The following GSTA5 variants were observed in gnomAD, a reference collection of about 807,000 sequenced individuals.
The protein encoded by GSTA5 is glutathione S-transferase alpha 5, also known as glutathione S-transferase A5.
GSTA5 carries 25 observed loss-of-function variants against 21.8 expected under a neutral mutation model. The observed-to-expected ratio is 1.14, with a 90% CI of 0.83 to 1.60. GSTA5 has a LOEUF of 1.60. GSTA5 is among the 40% of genes most tolerant of loss of function. The probability of loss-of-function intolerance (pLI) is 0.00; values close to 1 mark genes in which losing one functional copy is unlikely to be tolerated. For synonymous variants in GSTA5, 102 were observed against 89.5 expected, an observed-to-expected ratio of 1.14 and a Z score of -0.78; for missense variants, 330 against 259.2, an observed-to-expected ratio of 1.27 and a Z score of -1.88.
At chr6:52,842,539 T>C (rs1764393237), upstream of GSTA5, among the ~76,000 whole-genome samples, 1 of 151,576 alleles carries the variant, frequency 6.6e-6, no homozygotes, top group South Asian at 2.1e-4. Context: ...CCAAGTAGCT[T>C]GGATTACCAG....
upstream of GSTA5, among the ~76,000 whole-genome samples, chr6:52,842,352 G>A (rs1292343665): frequency 1.3e-5 from 2 of 151,170 alleles, no homozygotes; most frequent in African/African-American, 4.9e-5. Flanking sequence ...GCAAAGTTTT[G>A]TGGTTGTTGA....
At chr6:52,835,873 A>T (rs567107652) in intron 3 of GSTA5, among the ~76,000 whole-genome samples, 1 of 151,996 alleles carries the variant, frequency 6.6e-6, no homozygotes, top group East Asian at 1.9e-4. Context: ...TCATCTACAG[A>T]CTCTCAGACA....
At chr6:52,832,007 A>G (rs767786501) in intron 5 of GSTA5, 37 bp from the exon 6 acceptor site, 4 of 1,585,406 alleles carry the variant, frequency 2.5e-6, no homozygotes, top group Non-Finnish European at 3.4e-6. Context: ...AGTGAAGCCA[A>G]GGCCGGCCAC....
chr6:52,845,355 C>T (rs973866700), upstream of GSTA5, among the ~76,000 whole-genome samples: 5 of 152,146 alleles, frequency 3.3e-5, no homozygotes, highest in African/African-American at 1.2e-4. Context: ...TGGGTTGTCA[C>T]ATCTGCGGGG....
At chr6:52,833,966 G>T (rs375445139) in intron 4 of GSTA5, among the ~76,000 whole-genome samples, 175 bp downstream of exon 4, 1 of 152,154 alleles carries the variant, frequency 6.6e-6, no homozygotes, top group Admixed American at 6.5e-5. Context: ...GGTATAAGTG[G>T]TACAATTGTT....
intron 3 of GSTA5, 77 bp from the exon 4 acceptor site, chr6:52,834,359 AGAGG>A (rs1236547327): frequency 3.2e-5 from 47 of 1,446,276 alleles, no homozygotes; most frequent in Admixed American, 1.7e-4. Context: ...CTAAGAAAAT[AGAGG>A]GTCAGATGGT....
intron 3 of GSTA5, among the ~76,000 whole-genome samples, chr6:52,834,763 A>G (rs1199896417): frequency 6.6e-6 from 1 of 152,064 alleles, no homozygotes; most frequent in African/African-American, 2.4e-5. Context: ...CTCTCTCATC[A>G]TTTTACAGCT....
chr6:52,841,160 C>T (rs556893134), upstream of GSTA5, among the ~76,000 whole-genome samples: 3 of 152,292 alleles, frequency 2.0e-5, no homozygotes, highest in African/African-American at 7.2e-5. Flanking sequence ...CCTCATGATC[C>T]TTCCTCAATG....
intron 4 of GSTA5, among the ~76,000 whole-genome samples, chr6:52,833,855 C>T (rs6458880): frequency 0.98 from 149,969 of 152,316 alleles, 73,880 homozygotes; most frequent in East Asian, 1. Flanking sequence ...ATCCAGAGCC[C>T]TCCACAGCCC....
At chr6:52,837,654 T>C (rs759717219) in intron 1 of GSTA5, 45 bp from the exon 2 acceptor site, 2 of 1,390,558 alleles carry the variant, frequency 1.4e-6, no homozygotes, top group Non-Finnish European at 2.0e-6. Flanking sequence ...TTAATTCTAT[T>C]ATAGACTTGT....
chr6:52,831,879 A>G, exon 6 of GSTA5: 2 of 1,614,036 alleles, frequency 1.2e-6, no homozygotes, highest in Non-Finnish European at 1.7e-6. Flanking sequence ...TGCTTCTTCT[A>G]AAGATTTCTC....
In GSTA5 at chr6:52,831,802, T is replaced by C. The variant is rs748683614; in HGVS notation, c.*46A>G. ...GGTAAAGCACTTCATTGTTGCAAAC[T>C]GTAGAATATTGGTCTGGCATGTTCT... On this transcript the variant is annotated 3_prime_UTR_variant, in exon 6 of 6. Transcript: ENST00000370989. 6 of 1,609,218 alleles carry C rather than the reference T, an allele frequency of 3.7e-6. No individual in the cohort carries two copies. In the South Asian group the frequency reaches 6.7e-5, roughly 18 times the overall value.
chr6:52,835,593 C>T (rs1764280644), intron 3 of GSTA5, among the ~76,000 whole-genome samples: 1 of 152,206 alleles, frequency 6.6e-6, no homozygotes, highest in African/African-American at 2.4e-5. Flanking sequence ...GAGCTGCCAA[C>T]AGTTCCATTC....
chr6:52,831,981 C>G lies in GSTA5; in HGVS notation c.547-11G>C. The G allele has an allele frequency of 2.5e-6, 4 of 1,610,116 alleles. No individual in the cohort carries two copies. Among genetic ancestry groups the G allele is most frequent in the Non-Finnish European group, 3.4e-6 (4 of 1,178,946 alleles). ...TCTGGTTTTCAGGGCCTGTAATCCACAAAGCACAGCCTCAGAGTGAAGCCA... is the reference window on the plus strand; with the variant it reads ...TCTGGTTTTCAGGGCCTGTAATCCAGAAAGCACAGCCTCAGAGTGAAGCCA... On this transcript the variant is annotated splice_polypyrimidine_tract_variant and intron_variant, in intron 5 of 5. Coordinates refer to ENST00000370989, the Ensembl canonical transcript of GSTA5.
chr6:52,837,469 C>T (rs1239201263), intron 2 of GSTA5, 89 bp downstream of exon 2: 1 of 800,558 alleles, frequency 1.2e-6, no homozygotes, highest in African/African-American at 1.7e-5. Flanking sequence ...ATATCACCCC[C>T]CACACACATA....
intron 3 of GSTA5, 73 bp downstream of exon 3, chr6:52,836,163 T>A: frequency 6.5e-7 from 1 of 1,547,278 alleles, no homozygotes; most frequent in Non-Finnish European, 8.9e-7. Context: ...CCTGCCATGG[T>A]CCCACCCACT....
chr6:52,840,568 C>G (rs1191347224), intron 1 of GSTA5, among the ~76,000 whole-genome samples, 159 bp downstream of exon 1: 1 of 152,188 alleles, frequency 6.6e-6, no homozygotes, highest in African/African-American at 2.4e-5. Context: ...GAAATTTTAA[C>G]AATTTTTAGG....
At chr6:52,840,878 T>A, upstream of GSTA5, 10 of 1,431,012 alleles carry the variant, frequency 7.0e-6, no homozygotes, top group Non-Finnish European at 9.7e-6. Context: ...AACGATAGAA[T>A]CAAAAATGTA....
Position 52,836,380 on chromosome 6 carries a change from GA to G in GSTA5, c.140-13del, listed in dbSNP as rs569817873. The G allele has an allele frequency of 6.9e-5, 105 of 1,522,890 alleles. 1 individual carries two copies. The South Asian group carries it at 7.1e-4, about 10-fold the overall frequency. The allele number at this position is 1,522,890 out of a possible 1,614,324, so 94.3% of individuals were successfully genotyped here. ...CAGCAAACTCCCATCTTAGAAAGAA[GA>G]AAAAAAAAGGAGTATGAAGTGTCTA... On this transcript the variant is annotated splice_polypyrimidine_tract_variant and intron_variant, in intron 2 of 5. Coordinates refer to ENST00000370989, the Ensembl canonical transcript of GSTA5.
Sources: gnomAD v4.1 joint callset for allele counts (sites outside exome capture counted in the v4.1 genomes callset) on GRCh38, gnomAD v4.1.1 for gene constraint, MANE v1.5 for transcripts, NCBI Gene and HGNC (gene_info 2026-07-23, HGNC 2026-07-21) for gene names.